NALCN: variants seen among roughly 807,000 people sequenced by gnomAD.
NALCN encodes sodium leak channel, non-selective.
In NALCN, 111 loss-of-function variants were observed where a neutral mutation model predicts 225.3. That is an observed-to-expected ratio of 0.49 (90% confidence interval 0.42 to 0.58). The LOEUF (loss-of-function observed/expected upper bound fraction) is 0.58, where lower values mean the gene tolerates loss of function less well. Among genes scored for constraint, NALCN ranks in the 20% least tolerant of loss-of-function variants. The pLI, the probability that NALCN is intolerant of heterozygous loss-of-function variation, is 0.00. For missense variants in NALCN, 1,378 were observed against 2,202.4 expected, an observed-to-expected ratio of 0.63 and a Z score of 7.49; for synonymous variants, 764 against 769.0, an observed-to-expected ratio of 0.99 and a Z score of 0.11.
chr13:101,391,114 G>T (rs1319649656), intron 3 of NALCN, among the ~76,000 whole-genome samples: 1 of 151,820 alleles, frequency 6.6e-6, no homozygotes, highest in Admixed American at 6.6e-5. Flanking sequence ...TAATTAAGCT[G>T]ATTCTTTTTA....
intron 3 of NALCN, among the ~76,000 whole-genome samples, chr13:101,385,737 T>C (rs1045929441): frequency 2.0e-5 from 3 of 152,194 alleles, no homozygotes; most frequent in African/African-American, 7.2e-5. Context: ...ACCTTTCCCC[T>C]GAAAGTTAGC....
intron 12 of NALCN, among the ~76,000 whole-genome samples, chr13:101,236,249 A>G (rs2041549574): frequency 6.6e-6 from 1 of 152,220 alleles, no homozygotes; most frequent in Admixed American, 6.5e-5. Context: ...CAATCATTAA[A>G]AAGTCAGGAA....
chr13:101,372,481 C>A (rs1053796739), intron 6 of NALCN, among the ~76,000 whole-genome samples: 7 of 152,068 alleles, frequency 4.6e-5, no homozygotes, highest in Non-Finnish European at 7.4e-5. Context: ...TTTCAAAAGG[C>A]TGAAATTTCA....
intron 10 of NALCN, among the ~76,000 whole-genome samples, chr13:101,270,620 T>C (rs144851120): frequency 1.7e-4 from 26 of 152,290 alleles, no homozygotes; most frequent in African/African-American, 6.3e-4. Context: ...TTAGAGTATT[T>C]AGGAAAAACA....
intron 14 of NALCN, among the ~76,000 whole-genome samples, chr13:101,187,050 G>T (rs188610201): frequency 6.6e-6 from 1 of 151,458 alleles, no homozygotes; most frequent in Non-Finnish European, 1.5e-5. Flanking sequence ...AATACAGTAG[G>T]CCCCCCCCTT....
At chr13:101,381,855 GA>G (rs141019937) in intron 3 of NALCN, among the ~76,000 whole-genome samples, 3 of 150,548 alleles carry the variant, frequency 2.0e-5, no homozygotes, top group South Asian at 2.1e-4. Flanking sequence ...GTGTGTTAGG[GA>G]AAAAAAAAGA....
chr13:101,203,756 G>A (rs1032035391), intron 13 of NALCN, among the ~76,000 whole-genome samples: 28 of 152,114 alleles, frequency 1.8e-4, no homozygotes, highest in Non-Finnish European at 4.1e-4. Flanking sequence ...AACTGTTAAT[G>A]ACAGTCAATT....
At chr13:101,179,694 C>G (rs1000445707) in intron 14 of NALCN, among the ~76,000 whole-genome samples, 5 of 152,106 alleles carry the variant, frequency 3.3e-5, no homozygotes, top group African/African-American at 1.2e-4. Context: ...ATCTCAGCTC[C>G]CAAAGCTAAG....
chr13:101,162,644 C>T (rs2038243990), intron 15 of NALCN, among the ~76,000 whole-genome samples: 1 of 152,218 alleles, frequency 6.6e-6, no homozygotes, highest in African/African-American at 2.4e-5. Context: ...CTCTTAGAAC[C>T]ATTGCAATCT....
intron 10 of NALCN, among the ~76,000 whole-genome samples, chr13:101,268,838 A>G (rs1594568021): frequency 1.3e-5 from 2 of 152,256 alleles, no homozygotes; most frequent in South Asian, 2.1e-4. Flanking sequence ...TTCCTAGAGT[A>G]CAATGCCATA....
At chr13:101,166,597 GT>G (rs1291382699) in intron 15 of NALCN, among the ~76,000 whole-genome samples, 1 of 151,900 alleles carries the variant, frequency 6.6e-6, no homozygotes, top group African/African-American at 2.4e-5. Flanking sequence ...TATTTTTCTT[GT>G]TGACTATAGG....
intron 7 of NALCN, among the ~76,000 whole-genome samples, chr13:101,299,422 T>G (rs77624258): frequency 6.9e-6 from 1 of 145,438 alleles, no homozygotes; most frequent in African/African-American, 2.5e-5. Context: ...ACACACAGGG[T>G]TTTTTTTGTT....
At chr13:101,068,149 T>A in intron 38 of NALCN, 116 bp from the exon 39 acceptor site, 1 of 660,952 alleles carries the variant, frequency 1.5e-6, no homozygotes, top group Non-Finnish European at 2.5e-6. Flanking sequence ...ATAAGCCAAA[T>A]TTTTAAAGTG....
intron 10 of NALCN, among the ~76,000 whole-genome samples, chr13:101,265,094 C>T (rs1262827877): frequency 1.3e-5 from 2 of 152,168 alleles, no homozygotes; most frequent in Non-Finnish European, 2.9e-5. Flanking sequence ...TAAGAGAATA[C>T]ATGTGTGTGG....
At chr13:101,141,163 G>A (rs998404060) in intron 17 of NALCN, among the ~76,000 whole-genome samples, 4 of 152,112 alleles carry the variant, frequency 2.6e-5, no homozygotes, top group Non-Finnish European at 4.4e-5. Flanking sequence ...AGATGGAAGA[G>A]TAACAATTGA....
chr13:101,316,243 T>C (rs1317897999), intron 7 of NALCN, among the ~76,000 whole-genome samples: 1 of 152,178 alleles, frequency 6.6e-6, no homozygotes, highest in Non-Finnish European at 1.5e-5. Flanking sequence ...AATGGTCTAA[T>C]TCATCATGCT....
rs188384831 is a variant in NALCN, at chr13:101,248,640, G to A, written c.1266+9803C>T. Among the ~76,000 whole-genome samples, 14 of 152,184 alleles carry A rather than the reference G, an allele frequency of 9.2e-5. 1 individual carries two copies. Among genetic ancestry groups the A allele is most frequent in the Admixed American group, 2.0e-4 (3 of 15,288 alleles). ...CAGGTGAGCTTCCCTGGTTCTCAGCGCTCTGAATATTGTTTCACATCCATG... is the reference window on the plus strand; with the variant it reads ...CAGGTGAGCTTCCCTGGTTCTCAGCACTCTGAATATTGTTTCACATCCATG... On this transcript the variant is annotated intron_variant, in intron 11 of 43. Transcript: ENST00000251127.
intron 18 of NALCN, among the ~76,000 whole-genome samples, chr13:101,122,879 C>T (rs1172240935): frequency 6.6e-6 from 1 of 152,158 alleles, no homozygotes; most frequent in Non-Finnish European, 1.5e-5. Context: ...ATAAAACTGT[C>T]ACCTGGATAA....
intron 3 of NALCN, among the ~76,000 whole-genome samples, chr13:101,391,845 G>A (rs573611687): frequency 7.3e-5 from 11 of 149,772 alleles, no homozygotes; most frequent in East Asian, 3.9e-4. Context: ...TTAGCCAGGC[G>A]TGGTGGCACA....
Sources: gnomAD v4.1 joint callset for allele counts (sites outside exome capture counted in the v4.1 genomes callset) on GRCh38, gnomAD v4.1.1 for gene constraint, MANE v1.5 for transcripts, NCBI Gene and HGNC (gene_info 2026-07-23, HGNC 2026-07-21) for gene names.